Variants in SPINK14 observed in about 807,000 individuals in gnomAD.
SPINK14 encodes serine protease inhibitor Kazal-type 14.
In SPINK14, 6 loss-of-function variants were observed where a neutral mutation model predicts 14.2. The ratio of observed to expected loss-of-function variants is 0.42; its 90% CI spans 0.23 to 0.83. SPINK14 has a LOEUF of 0.83. SPINK14 is among the 40% of genes least tolerant of loss of function. The pLI is 0.28. For synonymous variants in SPINK14, 34 were observed against 36.8 expected (o/e 0.92, Z 0.27); for missense variants, 86 against 108.3 (o/e 0.79, Z 0.91).
rs893280263 is a variant in SPINK14, at chr5:148,168,581, G to A, written c.-73+14G>A. On this transcript the variant is annotated intron_variant, in intron 1 of 4. Coordinates refer to ENST00000356972, the MANE Select transcript of SPINK14 (RefSeq NM_001001325.2). ...CTTCTTTCTGAGGTGGGTCAGCTGTGACATGAGGGATGGAGAGAGTGGGCC... is the reference window on the plus strand; with the variant it reads ...CTTCTTTCTGAGGTGGGTCAGCTGTAACATGAGGGATGGAGAGAGTGGGCC... 6.6e-6 allele frequency among the ~76,000 whole-genome samples: 1 copy of A among 152,128 alleles called. No individual in the cohort carries two copies. The highest frequency in any genetic ancestry group is 1.5e-5 in the Non-Finnish European group (1 of 68,024).
At chr5:148,172,712 T>C (rs1321121577) in intron 3 of SPINK14, among the ~76,000 whole-genome samples, 1 of 152,146 alleles carries the variant, frequency 6.6e-6, no homozygotes, top group Non-Finnish European at 1.5e-5. Flanking sequence ...TTTTAATAAA[T>C]AGTTCTCAGA....
chr5:148,169,951 C>A, intron 2 of SPINK14, 152 bp downstream of exon 2: 1 of 318,954 alleles, frequency 3.1e-6, no homozygotes, highest in Non-Finnish European at 5.4e-6. Flanking sequence ...TGACGTGTTG[C>A]AGAGTGTATA....
At chr5:148,168,610 G>A (rs1222820284) in intron 1 of SPINK14, among the ~76,000 whole-genome samples, 43 bp downstream of exon 1, 1 of 152,080 alleles carries the variant, frequency 6.6e-6, no homozygotes, top group African/African-American at 2.4e-5. Context: ...GTGGGCCTCT[G>A]TGTTTTGCTC....
intron 3 of SPINK14, among the ~76,000 whole-genome samples, chr5:148,171,909 A>G (rs1421495116): frequency 2.0e-5 from 3 of 152,146 alleles, no homozygotes; most frequent in Non-Finnish European, 4.4e-5. Flanking sequence ...AGTCTGCCTC[A>G]TGCCCATAAA....
intron 2 of SPINK14, 41 bp from the exon 3 acceptor site, chr5:148,170,889 A>C (rs765749625): frequency 1.3e-6 from 2 of 1,566,620 alleles, no homozygotes; most frequent in Non-Finnish European, 1.8e-6. Context: ...CTATGATTTA[A>C]CAGGAATTAA....
In SPINK14 at chr5:148,174,110, T is replaced by A. The variant is rs1388220566; in HGVS notation, c.112-124T>A. ...CCTCCCACCTCAGCCTCCCAAAATG[T>A]TGGAATGACAGGCATGAGCCACCAC... On this transcript the variant is annotated intron_variant, in intron 3 of 4. Transcript: ENST00000356972. 4.3e-5 allele frequency: 23 copies of A among 532,282 alleles called. 5 individuals carry two copies. The Admixed American group carries it at 5.9e-4, about 14-fold the overall frequency. The allele number at this position is 532,282 out of a possible 1,614,324, so 33.0% of individuals were successfully genotyped here.
In SPINK14 at chr5:148,169,707, A is replaced by G; in HGVS notation, c.-26A>G. The G allele has an allele frequency of 6.3e-7, 1 of 1,590,052 alleles. No individual in the cohort carries two copies. The highest frequency in any genetic ancestry group is 8.6e-7 in the Non-Finnish European group (1 of 1,161,228). On this transcript the variant is annotated 5_prime_UTR_variant, in exon 2 of 5. Coordinates refer to ENST00000356972, the MANE Select transcript of SPINK14 (RefSeq NM_001001325.2). Reference sequence around the variant, plus strand: ...ACCTGAGACAATATTTCAGAGCATCATTCCAAGGACACACCAGGAGGAAAA... The same window carrying G: ...ACCTGAGACAATATTTCAGAGCATCGTTCCAAGGACACACCAGGAGGAAAA...
At chr5:148,174,887 ATGAG>A (rs1039896909) in intron 4 of SPINK14, among the ~76,000 whole-genome samples, 6 of 152,232 alleles carry the variant, frequency 3.9e-5, no homozygotes, top group African/African-American at 1.4e-4. Flanking sequence ...TGATTCCTAT[ATGAG>A]TGAGTGCATT....
At chr5:148,174,984 G>A (rs1755149044) in intron 4 of SPINK14, among the ~76,000 whole-genome samples, 1 of 152,134 alleles carries the variant, frequency 6.6e-6, no homozygotes, top group Admixed American at 6.6e-5. Flanking sequence ...AAGGAGCAAT[G>A]ACAGGAATGT....
chr5:148,169,913 T>C, intron 2 of SPINK14, 114 bp downstream of exon 2: 5 of 529,582 alleles, frequency 9.4e-6, no homozygotes, highest in Non-Finnish European at 1.6e-5. Flanking sequence ...AATATATATA[T>C]ATGTGTATAT....
Position 148,170,991 on chromosome 5 carries a change from T to G in SPINK14, c.111+18T>G, listed in dbSNP as rs753034686. 1.9e-6 allele frequency: 3 copies of G among 1,610,864 alleles called. No homozygotes were observed. The highest frequency in any genetic ancestry group is 1.3e-5 in the African/African-American group (1 of 74,890). On this transcript the variant is annotated intron_variant, in intron 3 of 4. Coordinates refer to ENST00000356972, the MANE Select transcript of SPINK14 (RefSeq NM_001001325.2). ...TTATTAAGGTAATGTTCCATTAAAT[T>G]TCCCCCCAGGACTTACATTATAATA...
chr5:148,171,906 C>T (rs1253764174), intron 3 of SPINK14, among the ~76,000 whole-genome samples: 1 of 152,032 alleles, frequency 6.6e-6, no homozygotes, highest in African/African-American at 2.4e-5. Context: ...ATAAGTCTGC[C>T]TCATGCCCAT....
intron 2 of SPINK14, among the ~76,000 whole-genome samples, chr5:148,170,221 GA>G (rs1238675600): frequency 6.6e-5 from 10 of 150,876 alleles, no homozygotes; most frequent in African/African-American, 2.4e-4. Flanking sequence ...TATAGAGAGA[GA>G]GAGTCTAAAA....
chr5:148,170,169 TATATAC>T (rs1306838478), intron 2 of SPINK14, among the ~76,000 whole-genome samples: 19 of 105,680 alleles, frequency 1.8e-4, no homozygotes, highest in African/African-American at 6.0e-4. Flanking sequence ...TATATATATA[TATATAC>T]ACACACACAC....
At chr5:148,173,245 A>G (rs1051879793) in intron 3 of SPINK14, among the ~76,000 whole-genome samples, 1 of 152,066 alleles carries the variant, frequency 6.6e-6, no homozygotes. Context: ...CAATCTCATG[A>G]CACTTATGGA....
At chr5:148,169,598 G>A in intron 1 of SPINK14, 63 bp from the exon 2 acceptor site, 1 of 604,526 alleles carries the variant, frequency 1.7e-6, no homozygotes, top group Non-Finnish European at 2.9e-6. Flanking sequence ...GGATACAATG[G>A]GTGGAGTAGA....
At chr5:148,175,233 A>C (rs1477521501) in intron 4 of SPINK14, 120 bp from the exon 5 acceptor site, 3 of 658,358 alleles carry the variant, frequency 4.6e-6, no homozygotes, top group Non-Finnish European at 7.9e-6. Flanking sequence ...TTCCCTTTAC[A>C]CTCTGGATCT....
At chr5:148,170,158 GTATA>G (rs758904018) in intron 2 of SPINK14, among the ~76,000 whole-genome samples, 34 of 141,506 alleles carry the variant, frequency 2.4e-4, no homozygotes, top group African/African-American at 8.0e-4. Flanking sequence ...CATACTCAGA[GTATA>G]TATATATATA....
chr5:148,169,896 T>C, intron 2 of SPINK14, 97 bp downstream of exon 2: 1 of 878,740 alleles, frequency 1.1e-6, no homozygotes, highest in South Asian at 1.7e-5. Flanking sequence ...GTTCTTTAAC[T>C]GGGATGAATA....
Sources: allele counts gnomAD v4.1 joint callset (sites outside exome capture counted in the v4.1 genomes callset), GRCh38; gene constraint gnomAD v4.1.1; transcripts MANE v1.5; gene names NCBI Gene and HGNC (gene_info 2026-07-23, HGNC 2026-07-21).